Variants in ALCAM observed in about 807,000 individuals in gnomAD.
ALCAM encodes the protein CD166 antigen.
A neutral mutation model predicts 70.9 loss-of-function variants in ALCAM; 30 were observed. The observed-to-expected ratio is 0.42, with a 90% CI of 0.32 to 0.57. The LOEUF is 0.57. Among genes scored for constraint, ALCAM ranks in the 20% least tolerant of loss-of-function variants. ALCAM has a pLI of 0.11. For missense variants in ALCAM, 591 were observed against 695.1 expected (o/e 0.85, Z 1.68); for synonymous variants, 249 against 242.5 (o/e 1.03, Z -0.25).
At chr3:105,447,566 C>A (rs1937329817) in intron 1 of ALCAM, among the ~76,000 whole-genome samples, 1 of 152,068 alleles carries the variant, frequency 6.6e-6, no homozygotes, top group South Asian at 2.1e-4. Flanking sequence ...TTTAGCCAGG[C>A]CTGGTGGCAT....
chr3:105,471,694 A>ATT (rs1937934624), intron 1 of ALCAM, among the ~76,000 whole-genome samples: 1 of 151,308 alleles, frequency 6.6e-6, no homozygotes, highest in Non-Finnish European at 1.5e-5. Context: ...AATCATATGT[A>ATT]TTTATCATGT....
chr3:105,507,104 T>G lies in ALCAM; in HGVS notation c.74-12963T>G, dbSNP rs374286008. 3.2e-4 allele frequency among the ~76,000 whole-genome samples: 48 copies of G among 152,300 alleles called. No homozygotes were observed. In the South Asian group the frequency reaches 9.5e-3, roughly 30 times the overall value. ...TCACTTGTTTTTAATTAATAGACTA[T>G]TTTTATCTGTTCTTAGTTTATGGAA... is the stretch of plus-strand genomic sequence containing the variant. On this transcript the variant is annotated intron_variant, in intron 1 of 15. Transcript: ENST00000306107.
At chr3:105,448,855 T>C (rs1937356887) in intron 1 of ALCAM, among the ~76,000 whole-genome samples, 1 of 152,172 alleles carries the variant, frequency 6.6e-6, no homozygotes, top group Non-Finnish European at 1.5e-5. Context: ...TTGCTATTCA[T>C]TGAGCTGCAC....
rs1940945198 is a variant in ALCAM, at chr3:105,575,544, T to C, written c.*1093T>C. On this transcript the variant is annotated 3_prime_UTR_variant, in exon 16 of 16. Transcript: ENST00000306107. ...TAATTTAGTGTTTTTAACTGATACA[T>C]AATTTATCAAGCAGTACATGAAAGT... 1 of 152,614 alleles carries C rather than the reference T, an allele frequency of 6.6e-6. No individual in the cohort carries two copies. The highest frequency in any genetic ancestry group is 2.4e-5 in the African/African-American group (1 of 41,454). The allele number at this position is 152,614 out of a possible 1,614,324, so 9.5% of individuals were successfully genotyped here. A position where few individuals can be genotyped will look rare whatever the true frequency, so the allele number is the denominator to read the frequency against.
intron 1 of ALCAM, among the ~76,000 whole-genome samples, chr3:105,420,962 G>A (rs1319518723): frequency 2.0e-5 from 3 of 151,460 alleles, no homozygotes; most frequent in Non-Finnish European, 4.4e-5. Context: ...TTTAAGCAAG[G>A]AAATCAATGA....
At chr3:105,417,835 G>C (rs1250279295) in intron 1 of ALCAM, among the ~76,000 whole-genome samples, 2 of 151,668 alleles carry the variant, frequency 1.3e-5, no homozygotes, top group Non-Finnish European at 2.9e-5. Context: ...ACATACAGAA[G>C]ATAATTTGGT....
At chr3:105,502,594 C>T (rs1339453861) in intron 1 of ALCAM, among the ~76,000 whole-genome samples, 2 of 152,236 alleles carry the variant, frequency 1.3e-5, no homozygotes, top group Non-Finnish European at 2.9e-5. Context: ...CTCAATTACC[C>T]TTTTGTACAG....
intron 1 of ALCAM, among the ~76,000 whole-genome samples, chr3:105,502,045 A>G (rs1295305630): frequency 6.6e-6 from 1 of 152,224 alleles, no homozygotes; most frequent in African/African-American, 2.4e-5. Flanking sequence ...TAAGATGAAA[A>G]TAAGAAATCT....
At chr3:105,539,409 C>T (rs1283569817) in intron 6 of ALCAM, among the ~76,000 whole-genome samples, 1 of 152,058 alleles carries the variant, frequency 6.6e-6, no homozygotes, top group Non-Finnish European at 1.5e-5. Flanking sequence ...AATACACTTA[C>T]AGTCCTGTTG....
At chr3:105,429,083 T>A (rs1333430665) in intron 1 of ALCAM, among the ~76,000 whole-genome samples, 2 of 151,996 alleles carry the variant, frequency 1.3e-5, no homozygotes, top group East Asian at 3.9e-4. Context: ...AGATAATAAT[T>A]ATTAAGCCAC....
In ALCAM at chr3:105,576,164, G is replaced by A. The variant is rs966870144; in HGVS notation, c.*1713G>A. 5 of 152,512 alleles carry A rather than the reference G, an allele frequency of 3.3e-5. No individual in the cohort carries two copies. Among genetic ancestry groups the A allele is most frequent in the African/African-American group, 4.8e-5 (2 of 41,430 alleles). 9.4% of individuals were successfully genotyped at this position (152,512 alleles called of 1,614,324 possible). A position where few individuals can be genotyped will look rare whatever the true frequency, so the allele number is the denominator to read the frequency against. The stretch of plus-strand genomic sequence containing the variant: ...GTTATTTTGCCTCTAAACTTTTATT[G>A]AAGTTTTATTTGGCAGGAAAAAAAA... On this transcript the variant is annotated 3_prime_UTR_variant, in exon 16 of 16. Transcript: ENST00000306107.
chr3:105,481,223 T>G (rs1365632372), intron 1 of ALCAM, among the ~76,000 whole-genome samples: 1 of 152,112 alleles, frequency 6.6e-6, no homozygotes, highest in Non-Finnish European at 1.5e-5. Context: ...GCCACTAGAT[T>G]TGGCTCCTAT....
At chr3:105,548,153 G>A (rs963909052) in intron 11 of ALCAM, among the ~76,000 whole-genome samples, 3 of 151,512 alleles carry the variant, frequency 2.0e-5, no homozygotes, top group Admixed American at 6.6e-5. Flanking sequence ...TAATAGTAAA[G>A]GGTTAAGGAT....
chr3:105,450,177 G>T (rs1189059357), intron 1 of ALCAM, among the ~76,000 whole-genome samples: 3 of 152,194 alleles, frequency 2.0e-5, no homozygotes, highest in African/African-American at 7.2e-5. Context: ...TTCAAGAAAT[G>T]GTTGAGATAC....
chr3:105,485,858 G>A (rs1356657125), intron 1 of ALCAM, among the ~76,000 whole-genome samples: 1 of 151,832 alleles, frequency 6.6e-6, no homozygotes, highest in Non-Finnish European at 1.5e-5. Flanking sequence ...TGAAAATAAT[G>A]GCCTGCAAAG....
At chr3:105,392,066 A>G (rs1376229357) in intron 1 of ALCAM, among the ~76,000 whole-genome samples, 2 of 151,936 alleles carry the variant, frequency 1.3e-5, no homozygotes, top group African/African-American at 2.4e-5. Flanking sequence ...TTTTGGTATC[A>G]CGATAATGCT....
chr3:105,516,441 G>T (rs1939380225), intron 1 of ALCAM, among the ~76,000 whole-genome samples: 1 of 151,764 alleles, frequency 6.6e-6, no homozygotes, highest in Admixed American at 6.6e-5. Flanking sequence ...ATCGTCACTT[G>T]CCTGAGATTC....
chr3:105,428,791 G>A (rs1358845545), intron 1 of ALCAM, among the ~76,000 whole-genome samples: 1 of 151,942 alleles, frequency 6.6e-6, no homozygotes, highest in Non-Finnish European at 1.5e-5. Flanking sequence ...ACTGAAAAAT[G>A]TGGTTGTGAG....
chr3:105,488,841 T>A (rs374321059), intron 1 of ALCAM, among the ~76,000 whole-genome samples: 1 of 152,196 alleles, frequency 6.6e-6, no homozygotes, highest in East Asian at 1.9e-4. Flanking sequence ...AACGGGTCGA[T>A]TCACCTTGTT....
Sources: allele counts gnomAD v4.1 joint callset (sites outside exome capture counted in the v4.1 genomes callset), GRCh38; gene constraint gnomAD v4.1.1; transcripts MANE v1.5; gene names NCBI Gene and HGNC (gene_info 2026-07-23, HGNC 2026-07-21).